Variants in PCDHGB6 observed in about 807,000 individuals in gnomAD.
PCDHGB6 encodes protocadherin gamma-B6.
PCDHGB6 carries 51 observed loss-of-function variants against 59.1 expected under a neutral mutation model. The ratio of observed to expected loss-of-function variants is 0.86; its 90% CI spans 0.69 to 1.09. The LOEUF (loss-of-function observed/expected upper bound fraction) is 1.09. Among genes scored for constraint, PCDHGB6 ranks in the 50% least tolerant of loss-of-function variants. The pLI is 0.00. For synonymous variants in PCDHGB6, 466 were observed against 495.1 expected (o/e 0.94, Z 0.78); for missense variants, 1,148 against 1,205.1 (o/e 0.95, Z 0.70).
chr5:141,413,599 C>G, intron 1 of PCDHGB6: 2 of 1,613,830 alleles, frequency 1.2e-6, no homozygotes, highest in East Asian at 2.2e-5. Flanking sequence ...AGCAGAAAAT[C>G]TAGACGTAAA....
At chr5:141,495,710 G>C (rs2099763133) in intron 2 of PCDHGB6, among the ~76,000 whole-genome samples, 1 of 152,148 alleles carries the variant, frequency 6.6e-6, no homozygotes, top group Non-Finnish European at 1.5e-5. Flanking sequence ...TGTGGAGTGA[G>C]TAACTACACG....
rs2099417434 is a variant in PCDHGB6, at chr5:141,477,762, C to T, written c.2419-17045C>T. 1 of 1,613,968 alleles carries T rather than the reference C, an allele frequency of 6.2e-7. No homozygotes were observed. The highest frequency in any genetic ancestry group is 8.5e-7 in the Non-Finnish European group (1 of 1,180,032). On this transcript the variant is annotated intron_variant, in intron 1 of 3. Transcript: ENST00000520790. This position sits in a 1 kb window ranked among gnomAD's most constrained non-coding sequence, Gnocchi z 4.9. ...GATGGGGGCACCCCGGTCCTAGCCA[C>T]CAACATCAGCGTGAACATATTTGTC...
intron 1 of PCDHGB6, chr5:141,479,196 C>T (rs2099489838): frequency 2.0e-5 from 3 of 152,432 alleles, no homozygotes; most frequent in African/African-American, 7.2e-5. Context: ...TCAGAAAATA[C>T]AGAAAAGTAT....
intron 1 of PCDHGB6, among the ~76,000 whole-genome samples, chr5:141,472,869 C>T (rs919331906): frequency 6.6e-6 from 1 of 151,388 alleles, no homozygotes; most frequent in Non-Finnish European, 1.5e-5. Context: ...GCCTGTATTC[C>T]CAGCTACTCG....
At chr5:141,449,667 G>A (rs540415333) in intron 1 of PCDHGB6, among the ~76,000 whole-genome samples, 1 of 150,824 alleles carries the variant, frequency 6.6e-6, no homozygotes, top group South Asian at 2.1e-4. Context: ...ACACCCAAGT[G>A]TGTATGTATA....
chr5:141,503,960 T>TTC (rs2099834474), intron 2 of PCDHGB6, among the ~76,000 whole-genome samples: 1 of 152,172 alleles, frequency 6.6e-6, no homozygotes, highest in Admixed American at 6.5e-5. Flanking sequence ...CCTACAGCCT[T>TTC]TCCCATGGTG....
At chr5:141,479,241 G>A (rs2099490987) in intron 1 of PCDHGB6, 1 of 152,174 alleles carries the variant, frequency 6.6e-6, no homozygotes, top group Non-Finnish European at 1.5e-5. Context: ...CAAACCCAAA[G>A]ATAACCATTT....
rs2095353294 is a variant in PCDHGB6 at position 141,410,063 on chromosome 5, C to CTGCGCACTGGGGAGG, written c.1869_1883dup (p.Gly624_Thr628dup). 2 of 1,612,972 alleles carry CTGCGCACTGGGGAGG rather than the reference C, an allele frequency of 1.2e-6. No individual in the cohort carries two copies. The highest frequency in any genetic ancestry group is 1.7e-6 in the Non-Finnish European group (2 of 1,179,740). ...TGAGCCCGGACTCTTCAGCCTGGGG[C>CTGCGCACTGGGGAGG]TGCGCACTGGGGAGGTGCGCACGGC... On this transcript the variant is annotated inframe_insertion, in exon 1 of 4. Coordinates refer to ENST00000520790, the MANE Select transcript of PCDHGB6 (RefSeq NM_018926.3).
chr5:141,490,890 G>C lies in PCDHGB6; in HGVS notation c.2419-3917G>C, dbSNP rs751713801. The C allele has an allele frequency of 9.9e-6, 16 of 1,613,306 alleles. No homozygotes were observed. The South Asian group carries it at 1.2e-4, about 12-fold the overall frequency. On this transcript the variant is annotated intron_variant, in intron 1 of 3. Transcript: ENST00000520790. This position sits in a 1 kb window ranked among gnomAD's most constrained non-coding sequence, Gnocchi z 5.4. ...CCCCATTGCATGCCAACACATCTCT[G>C]CATGTGTTTGTCCTAGACGAGAATG...
At chr5:141,510,304 A>G (rs1030803209) in intron 3 of PCDHGB6, among the ~76,000 whole-genome samples, 1 of 151,732 alleles carries the variant, frequency 6.6e-6, no homozygotes, top group Non-Finnish European at 1.5e-5. Context: ...CTGTTTTGAA[A>G]TGGAGGCTTG....
chr5:141,459,981 G>C (rs1023972964), intron 1 of PCDHGB6, among the ~76,000 whole-genome samples: 7 of 152,330 alleles, frequency 4.6e-5, no homozygotes, highest in Admixed American at 1.3e-4. Context: ...AGGAGGCTGA[G>C]ACAGGAGAAT....
chr5:141,482,645 G>A (rs1267966412), intron 1 of PCDHGB6, among the ~76,000 whole-genome samples: 1 of 152,120 alleles, frequency 6.6e-6, no homozygotes, highest in Admixed American at 6.5e-5. Context: ...TAGAGGTGGT[G>A]ATGCTTGAGC....
intron 1 of PCDHGB6, chr5:141,428,211 C>T (rs777952475): frequency 2.2e-5 from 28 of 1,284,198 alleles, no homozygotes; most frequent in South Asian, 4.9e-5. Flanking sequence ...CTACGCTTCA[C>T]CTAGTCTTCG....
Position 141,490,743 on chromosome 5 carries a change from C to T in PCDHGB6, c.2419-4064C>T, listed in dbSNP as rs1011278142. 7.4e-6 allele frequency: 12 copies of T among 1,614,058 alleles called. No homozygotes were observed. The highest frequency in any genetic ancestry group is 1.0e-5 in the Non-Finnish European group (12 of 1,180,038). On this transcript the variant is annotated intron_variant, in intron 1 of 3. Transcript: ENST00000520790. This position sits in a 1 kb window ranked among gnomAD's most constrained non-coding sequence, Gnocchi z 5.4. ...TTGTAGGAAATCAGGTTCAGGGAGC[C>T]CCAGCCTCCTCCTTTGTGTATGTCA...
At chr5:141,503,679 G>A (rs562303239) in intron 2 of PCDHGB6, among the ~76,000 whole-genome samples, 1 of 152,054 alleles carries the variant, frequency 6.6e-6, no homozygotes, top group East Asian at 1.9e-4. Context: ...CCACTTTTGG[G>A]AAGGAGAATT....
At chr5:141,506,278 G>A (rs1001662623) in intron 3 of PCDHGB6, among the ~76,000 whole-genome samples, 1 of 152,090 alleles carries the variant, frequency 6.6e-6, no homozygotes. Flanking sequence ...GTGAAACCCT[G>A]TCTCTACTAA....
chr5:141,476,336 C>G lies in PCDHGB6; in HGVS notation c.2419-18471C>G, dbSNP rs1228900349. The G allele has an allele frequency of 2.5e-6, 4 of 1,614,008 alleles. No individual in the cohort carries two copies. The highest frequency in any genetic ancestry group is 2.2e-5 in the East Asian group (1 of 44,854). ...GTTCCGGGTGGTGTCTGGAGCTAGC[C>G]GAAGATTCTTTGAGGTGAACCGGGA... On this transcript the variant is annotated intron_variant, in intron 1 of 3. Coordinates refer to ENST00000520790, the MANE Select transcript of PCDHGB6 (RefSeq NM_018926.3). The surrounding 1 kb of genome is among the most constrained non-coding windows in gnomAD (Gnocchi z 7.6).
intron 1 of PCDHGB6, chr5:141,440,348 C>G (rs2098169693): frequency 6.6e-6 from 1 of 152,190 alleles, no homozygotes; most frequent in South Asian, 2.1e-4. Flanking sequence ...GGCCTATAAT[C>G]CTAGCTACTC....
chr5:141,427,810 G>A (rs2097074260), intron 1 of PCDHGB6: 1 of 1,523,990 alleles, frequency 6.6e-7, no homozygotes, highest in Non-Finnish European at 9.0e-7. Flanking sequence ...AGCGCACAGA[G>A]CGGGGTGGTG....
Sources: gnomAD v4.1 joint callset for allele counts (sites outside exome capture counted in the v4.1 genomes callset) on GRCh38, gnomAD v4.1.1 for gene constraint, Gnocchi (gnomAD v3.1) non-coding constraint, MANE v1.5 for transcripts, NCBI Gene and HGNC (gene_info 2026-07-23, HGNC 2026-07-21) for gene names.